The following CFAP299 variants were observed in gnomAD, a reference collection of about 807,000 sequenced individuals.
CFAP299 encodes cilia- and flagella-associated protein 299.
A neutral mutation model predicts 27.0 loss-of-function variants in CFAP299; 21 were observed. The observed-to-expected ratio is 0.78, with a 90% CI of 0.55 to 1.12. The LOEUF (loss-of-function observed/expected upper bound fraction) is 1.12. Among genes scored for constraint, CFAP299 ranks in the 50% most tolerant of loss-of-function variants. CFAP299 has a pLI of 0.00. For missense variants in CFAP299, 310 were observed against 276.6 expected, an observed-to-expected ratio of 1.12 and a Z score of -0.86; for synonymous variants, 104 against 98.1, an observed-to-expected ratio of 1.06 and a Z score of -0.36.
At chr4:80,500,104 A>G (rs902581124) in intron 2 of CFAP299, among the ~76,000 whole-genome samples, 4 of 151,770 alleles carry the variant, frequency 2.6e-5, no homozygotes, top group African/African-American at 9.7e-5. Context: ...TCTGGATTGA[A>G]CTCCCATCTC....
intron 4 of CFAP299, among the ~76,000 whole-genome samples, chr4:80,895,754 G>T (rs573658038): frequency 6.6e-6 from 1 of 152,118 alleles, no homozygotes; most frequent in East Asian, 1.9e-4. Flanking sequence ...TAGCTCATCT[G>T]GGAAGCAGCT....
chr4:80,460,317 T>TC (rs1729376382), intron 2 of CFAP299, among the ~76,000 whole-genome samples: 1 of 152,176 alleles, frequency 6.6e-6, no homozygotes, highest in South Asian at 2.1e-4. Context: ...CAATGCAGAT[T>TC]TTTCTCTACA....
chr4:80,906,290 G>A (rs547270450), intron 4 of CFAP299, among the ~76,000 whole-genome samples: 2 of 152,316 alleles, frequency 1.3e-5, no homozygotes, highest in South Asian at 4.1e-4. Context: ...GGCTCCCACA[G>A]CCTTAGGCAG....
intron 2 of CFAP299, among the ~76,000 whole-genome samples, chr4:80,576,197 A>AAAAT (rs980515680): frequency 0.02 from 656 of 32,430 alleles, 5 homozygotes; most frequent in Middle Eastern, 0.062. Context: ...TAAAAAAAAA[A>AAAAT]ATATATATAT....
At chr4:80,369,362 T>A (rs1271843740) in intron 2 of CFAP299, among the ~76,000 whole-genome samples, 1 of 152,200 alleles carries the variant, frequency 6.6e-6, no homozygotes, top group Admixed American at 6.5e-5. Context: ...GCCCCTATCA[T>A]TTCATAATCT....
intron 2 of CFAP299, among the ~76,000 whole-genome samples, chr4:80,562,693 T>TAATAATAATAAC (rs574418448): frequency 9.6e-4 from 124 of 128,612 alleles, no homozygotes; most frequent in African/African-American, 3.6e-3. Flanking sequence ...ATAATAATAA[T>TAATAATAATAAC]AACAACAACA....
intron 4 of CFAP299, among the ~76,000 whole-genome samples, chr4:80,901,085 C>A (rs1046884291): frequency 1.3e-5 from 2 of 151,978 alleles, no homozygotes; most frequent in African/African-American, 4.8e-5. Flanking sequence ...CCATAGTAAA[C>A]AATGGTATAC....
chr4:80,587,084 A>C (rs1256946080), intron 3 of CFAP299, among the ~76,000 whole-genome samples: 1 of 152,206 alleles, frequency 6.6e-6, no homozygotes, highest in African/African-American at 2.4e-5. Flanking sequence ...TTGTGCTGAC[A>C]TGATCTTTTC....
At chr4:80,402,911 G>C (rs1291709874) in intron 2 of CFAP299, among the ~76,000 whole-genome samples, 1 of 152,180 alleles carries the variant, frequency 6.6e-6, no homozygotes, top group Admixed American at 6.5e-5. Flanking sequence ...GTTTGAAAAG[G>C]ATGTCATGAA....
intron 5 of CFAP299, among the ~76,000 whole-genome samples, chr4:80,957,408 C>T (rs1266524142): frequency 6.6e-6 from 1 of 152,064 alleles, no homozygotes; most frequent in Non-Finnish European, 1.5e-5. Flanking sequence ...TATTAAGAAA[C>T]AATTTTTAAA....
At chr4:80,571,534 T>A (rs147772445) in intron 2 of CFAP299, among the ~76,000 whole-genome samples, 13 of 152,118 alleles carry the variant, frequency 8.5e-5, no homozygotes, top group African/African-American at 3.1e-4. Flanking sequence ...ATAAATATAT[T>A]GTAGAAAATT....
intron 3 of CFAP299, among the ~76,000 whole-genome samples, chr4:80,792,709 A>G (rs551221064): frequency 5.8e-4 from 89 of 152,246 alleles, no homozygotes; most frequent in African/African-American, 2.1e-3. Context: ...TTGTTCAGAT[A>G]GGTTTTCTGC....
chr4:80,582,384 C>T (rs1389618307), intron 2 of CFAP299, among the ~76,000 whole-genome samples: 1 of 151,774 alleles, frequency 6.6e-6, no homozygotes, highest in Non-Finnish European at 1.5e-5. Context: ...TCTTGTGCAT[C>T]ATTGTGCCCT....
At chr4:80,516,238 C>G (rs1438169217) in intron 2 of CFAP299, among the ~76,000 whole-genome samples, 1 of 151,884 alleles carries the variant, frequency 6.6e-6, no homozygotes, top group Non-Finnish European at 1.5e-5. Context: ...TCAGGTTGGT[C>G]TCGAACTCCT....
chr4:80,804,076 C>T (rs1342397893), intron 3 of CFAP299, among the ~76,000 whole-genome samples: 9 of 152,006 alleles, frequency 5.9e-5, no homozygotes, highest in African/African-American at 1.7e-4. Context: ...GAGGTGGAGG[C>T]GCTGTCATGA....
intron 4 of CFAP299, among the ~76,000 whole-genome samples, chr4:80,910,209 G>A (rs1239634672): frequency 3.3e-5 from 5 of 151,960 alleles, no homozygotes; most frequent in African/African-American, 1.2e-4. Context: ...CAGAGAAAAG[G>A]GAACATTTAT....
chr4:80,955,089 C>T (rs559149625), intron 5 of CFAP299, among the ~76,000 whole-genome samples: 1 of 147,818 alleles, frequency 6.8e-6, no homozygotes, highest in African/African-American at 2.5e-5. Context: ...TATTCAAAGA[C>T]CTGCTTGAGT....
In CFAP299 at chr4:80,800,444, TG is replaced by T. The variant is rs1327482987; in HGVS notation, c.334-69548del. The stretch of plus-strand genomic sequence containing the variant: ...ATAATATATATAATATATAATATAT[TG>T]ATATATTAATATAATATATAATATA... On this transcript the variant is annotated intron_variant, in intron 3 of 5. Transcript: ENST00000358105. Among the ~76,000 whole-genome samples the T allele has an allele frequency of 5.8e-3, 269 of 46,754 alleles. 12 individuals carry two copies. The highest frequency in any genetic ancestry group is 0.027 in the East Asian group (27 of 996). 30.7% of individuals were successfully genotyped at this position (46,754 alleles called of 152,430 possible).
intron 3 of CFAP299, among the ~76,000 whole-genome samples, chr4:80,865,646 T>A (rs979932456): frequency 5.9e-5 from 9 of 152,136 alleles, no homozygotes; most frequent in Non-Finnish European, 1.2e-4. Context: ...TTTAGCAAAC[T>A]TTTTAAAAAT....
Sources: gnomAD v4.1 joint callset for allele counts (sites outside exome capture counted in the v4.1 genomes callset) on GRCh38, gnomAD v4.1.1 for gene constraint, MANE v1.5 for transcripts, NCBI Gene and HGNC (gene_info 2026-07-23, HGNC 2026-07-21) for gene names.